The following ENPP2 variants were observed in gnomAD, a reference collection of about 807,000 sequenced individuals.
The protein encoded by ENPP2 is autotaxin.
A neutral mutation model predicts 120.2 loss-of-function variants in ENPP2; 51 were observed. That is an observed-to-expected ratio of 0.42 (90% confidence interval 0.34 to 0.54). The LOEUF (loss-of-function observed/expected upper bound fraction) is 0.54. Ranked by LOEUF, ENPP2 falls within the 20% of genes least tolerant of loss-of-function variation. ENPP2 has a pLI of 0.04. For missense variants in ENPP2, 920 were observed against 1,066.5 expected, an observed-to-expected ratio of 0.86 and a Z score of 1.91; for synonymous variants, 365 against 366.4, an observed-to-expected ratio of 1.00 and a Z score of 0.04.
intron 2 of ENPP2, among the ~76,000 whole-genome samples, chr8:119,637,152 T>C (rs533046257): frequency 1.8e-4 from 28 of 152,312 alleles, no homozygotes; most frequent in Admixed American, 3.3e-4. Context: ...CTGATTCCCC[T>C]GTCTGTTCAG....
chr8:119,650,991 A>G (rs1817611196), intron 1 of ENPP2, among the ~76,000 whole-genome samples: 1 of 151,840 alleles, frequency 6.6e-6, no homozygotes, highest in Non-Finnish European at 1.5e-5. Flanking sequence ...AAAAAGCCCT[A>G]TGAACTAGAG....
In ENPP2 at chr8:119,562,872, G is replaced by C. The variant is rs61740048; in HGVS notation, c.2406C>G (p.Asn802Lys). The C allele has an allele frequency of 1.2e-6, 2 of 1,613,908 alleles. No individual in the cohort carries two copies. Among genetic ancestry groups the C allele is most frequent in the African/African-American group, 2.7e-5 (2 of 74,914 alleles). The change falls in exon 24 of 25, where the codon AAC (asparagine) becomes AAG (lysine). Residue 802 changes from asparagine to lysine, a missense_variant. By Grantham distance (94) the Asn-to-Lys change is moderately conservative (BLOSUM62 0). Coordinates refer to ENST00000075322, the MANE Select transcript of ENPP2 (RefSeq NM_001040092.3). ...GTAAACTCACATTGCAGCTCTCCTC[G>C]TTGTCAGGCCGGTGAGGCAGGATGA... ...SSFILPHRPD[N>K]EESCNSSEDE... is the part of the protein sequence containing the mutation.
chr8:119,626,743 ACAATGGACTGGAGAGTGGTCATGT>A, intron 2 of ENPP2, 23 bp from the exon 3 acceptor site: 1 of 1,612,306 alleles, frequency 6.2e-7, no homozygotes, highest in East Asian at 2.2e-5. Flanking sequence ...AGAGGCAAAA[ACAATGGACTGGAGAGTGGTCATGT>A]CACCATGGAA....
intron 10 of ENPP2, 113 bp downstream of exon 10, chr8:119,601,284 A>G (rs1348203318): frequency 1.3e-6 from 1 of 758,300 alleles, no homozygotes; most frequent in Non-Finnish European, 2.2e-6. Context: ...AAGAACCACA[A>G]AACTTTTAAT....
chr8:119,663,461 A>T (rs1270316824), intron 1 of ENPP2, among the ~76,000 whole-genome samples: 3 of 152,182 alleles, frequency 2.0e-5, no homozygotes, highest in Non-Finnish European at 4.4e-5. Flanking sequence ...CTGAAACTGA[A>T]ATTTAACTGG....
At chr8:119,621,084 T>C (rs1415324736) in intron 4 of ENPP2, among the ~76,000 whole-genome samples, 2 of 152,246 alleles carry the variant, frequency 1.3e-5, no homozygotes, top group Non-Finnish European at 2.9e-5. Context: ...ATAAACTGCA[T>C]GTACCGAATT....
chr8:119,621,323 A>G, intron 4 of ENPP2, 71 bp downstream of exon 4: 1 of 1,406,906 alleles, frequency 7.1e-7, no homozygotes, highest in Non-Finnish European at 1.0e-6. Flanking sequence ...TATTCCTAGC[A>G]TCCAGGATCT....
chr8:119,588,750 G>A (rs1813295752), intron 13 of ENPP2, among the ~76,000 whole-genome samples: 1 of 152,092 alleles, frequency 6.6e-6, no homozygotes, highest in Admixed American at 6.5e-5. Flanking sequence ...CATGGTCTTT[G>A]ACAATGAAGA....
chr8:119,634,123 C>T (rs1334631811), intron 2 of ENPP2, among the ~76,000 whole-genome samples: 1 of 152,078 alleles, frequency 6.6e-6, no homozygotes, highest in Non-Finnish European at 1.5e-5. Flanking sequence ...GTGGAGGTTG[C>T]AGTTAGCTGA....
intron 24 of ENPP2, 122 bp downstream of exon 24, chr8:119,562,735 T>C (rs1814065841): frequency 1.1e-5 from 11 of 1,023,390 alleles, no homozygotes; most frequent in Non-Finnish European, 1.5e-5. Context: ...GTTCCTTTCT[T>C]TTTTCTGTTT....
intron 8 of ENPP2, among the ~76,000 whole-genome samples, chr8:119,612,882 T>G (rs1815210775): frequency 6.7e-6 from 1 of 149,576 alleles, no homozygotes; most frequent in Non-Finnish European, 1.5e-5. Context: ...TATACTAAGA[T>G]GTTGTCTCAT....
chr8:119,559,030 T>G (rs1272436210), intron 24 of ENPP2, among the ~76,000 whole-genome samples: 1 of 152,066 alleles, frequency 6.6e-6, no homozygotes, highest in Admixed American at 6.6e-5. Context: ...TCAGGCAAAA[T>G]GAAGAAAGGG....
chr8:119,580,067 T>TTCGAAAA, intron 19 of ENPP2, 49 bp downstream of exon 19: 1 of 1,355,218 alleles, frequency 7.4e-7, no homozygotes, highest in Non-Finnish European at 1.1e-6. Context: ...CTTTTCGATT[T>TTCGAAAA]TCGAAAACGA....
intron 8 of ENPP2, among the ~76,000 whole-genome samples, chr8:119,608,351 T>C (rs1258855861): frequency 1.3e-5 from 2 of 152,194 alleles, no homozygotes; most frequent in African/African-American, 4.8e-5. Flanking sequence ...ATATGTTTCC[T>C]TTACTATTGA....
At position 119,593,823 on chromosome 8, in the gene ENPP2, C is replaced by T. The variant is rs1179468432; in HGVS notation, c.1010G>A (p.Gly337Glu). Residue 337 changes from glycine (G) to glutamate (E), a missense_variant, in exon 12 of 25, where the codon GGG becomes GAG. Gly to Glu is a moderately conservative substitution (Grantham distance 98). Coordinates refer to ENST00000075322, the MANE Select transcript of ENPP2 (RefSeq NM_001040092.3). ...NPLREIDKIV[G>E]QLMDGLKQLK... ...TTGTTTCAGTCCATCCATTAATTGC[C>T]CCACAATTTTGTCGATTTCCCTCAG... is the stretch of plus-strand genomic sequence containing the variant. 3 of 1,613,032 alleles carry T rather than the reference C, an allele frequency of 1.9e-6. No homozygotes were observed. In the South Asian group the frequency reaches 3.3e-5, roughly 18 times the overall value.
At chr8:119,591,569 G>C (rs1396972287) in intron 12 of ENPP2, among the ~76,000 whole-genome samples, 1 of 152,090 alleles carries the variant, frequency 6.6e-6, no homozygotes, top group Non-Finnish European at 1.5e-5. Flanking sequence ...CTCTAACAGG[G>C]AAAATAACCC....
Position 119,564,883 on chromosome 8 carries a change from C to G in ENPP2, c.2204G>C (p.Ser735Thr). 1 of 1,613,252 alleles carries G rather than the reference C, an allele frequency of 6.2e-7. No homozygotes were observed. The highest frequency in any genetic ancestry group is 1.1e-5 in the South Asian group (1 of 91,058). ...ATAGTCATAGTCGAAGATTGGTCCA[C>G]TTATCACGTTAACTCCATTTCTTTC... ...ASERNGVNVISGPIFDYDYDG... is the reference protein window; with the variant it reads ...ASERNGVNVITGPIFDYDYDG... The change falls in exon 23 of 25, where the codon AGT (serine) becomes ACT (threonine). Residue 735 changes from serine (S) to threonine (T), a missense_variant. Transcript: ENST00000075322.
intron 17 of ENPP2, among the ~76,000 whole-genome samples, chr8:119,582,866 T>C (rs1348648111): frequency 6.6e-6 from 1 of 151,872 alleles, no homozygotes; most frequent in Non-Finnish European, 1.5e-5. Context: ...AAAGAAAGAG[T>C]GAAGGAACAA....
chr8:119,570,656 T>C, intron 20 of ENPP2, 49 bp downstream of exon 20: 2 of 1,031,996 alleles, frequency 1.9e-6, no homozygotes, highest in Non-Finnish European at 2.8e-6. Context: ...TGTATTAACA[T>C]GAGGAATGTA....
Sources: allele counts gnomAD v4.1 joint callset (sites outside exome capture counted in the v4.1 genomes callset), GRCh38; gene constraint gnomAD v4.1.1; transcripts MANE v1.5; gene names NCBI Gene and HGNC (gene_info 2026-07-23, HGNC 2026-07-21).